The following DNAH14 variants were observed in gnomAD, a reference collection of about 807,000 sequenced individuals.
DNAH14 encodes axonemal beta dynein heavy chain 14.
Under a neutral mutation model 520.9 loss-of-function variants are expected in DNAH14, and 478 were observed. That is an observed-to-expected ratio of 0.92 (90% CI 0.85 to 0.99). DNAH14 has a LOEUF of 0.99. DNAH14 is among the 50% of genes least tolerant of loss of function. The pLI, the probability that DNAH14 is intolerant of heterozygous loss-of-function variation, is 0.00. For synonymous variants in DNAH14, 1,581 were observed against 1,757.2 expected (o/e 0.90, Z 2.51); for missense variants, 4,831 against 5,234.5 (o/e 0.92, Z 2.38).
At chr1:225,191,147 A>G (rs2085380774) in intron 37 of DNAH14, among the ~76,000 whole-genome samples, 1 of 151,960 alleles carries the variant, frequency 6.6e-6, no homozygotes, top group Admixed American at 6.6e-5. Context: ...CCTTAACCAG[A>G]GATCTTTATT....
intron 76 of DNAH14, among the ~76,000 whole-genome samples, chr1:225,365,468 A>G (rs2095541270): frequency 6.6e-6 from 1 of 152,186 alleles, no homozygotes. Context: ...GCACACTACC[A>G]GCTTTCACAG....
chr1:225,174,275 A>T (rs913053856), intron 36 of DNAH14, among the ~76,000 whole-genome samples: 1 of 148,574 alleles, frequency 6.7e-6, no homozygotes, highest in South Asian at 2.1e-4. Flanking sequence ...TTTTAAAAAA[A>T]GTTAAAAGAA....
intron 7 of DNAH14, among the ~76,000 whole-genome samples, chr1:224,972,231 G>A (rs569847203): frequency 2.4e-4 from 36 of 151,834 alleles, no homozygotes; most frequent in Non-Finnish European, 4.1e-4. Context: ...TACTTAATTT[G>A]TACTTAATTT....
chr1:225,217,137 C>T (rs1431949129), intron 41 of DNAH14, among the ~76,000 whole-genome samples: 4 of 152,224 alleles, frequency 2.6e-5, no homozygotes, highest in South Asian at 2.1e-4. Context: ...GGACCCTCAA[C>T]TGCAGGTCTG....
Position 225,185,312 on chromosome 1 carries a change from G to C in DNAH14, c.5557G>C (p.Val1853Leu). 1 of 1,544,868 alleles carries C rather than the reference G, an allele frequency of 6.5e-7. No homozygotes were observed. Among genetic ancestry groups the C allele is most frequent in the Non-Finnish European group, 8.7e-7 (1 of 1,144,720 alleles). The change falls in exon 37 of 86, where the codon GTG (valine) becomes CTG (leucine). Residue 1853 changes from valine to leucine, a missense_variant. Coordinates refer to ENST00000682510, the MANE Select transcript of DNAH14 (RefSeq NM_001367479.1). The part of the protein sequence containing the change: ...QLQVCVGVML[V>L]GPTGGGKTTV... Reference sequence around the variant, plus strand: ...TTAGGTTTGTGTTGGTGTGATGTTAGTGGGCCCAACAGGTGGAGGAAAGAC... The same window carrying C: ...TTAGGTTTGTGTTGGTGTGATGTTACTGGGCCCAACAGGTGGAGGAAAGAC...
intron 56 of DNAH14, among the ~76,000 whole-genome samples, chr1:225,302,381 A>T (rs367710540): frequency 2.0e-5 from 3 of 152,266 alleles, no homozygotes; most frequent in East Asian, 3.9e-4. Context: ...AAGGAAAAAA[A>T]ATCTTGCCTT....
At chr1:225,072,893 G>A (rs1300250483) in intron 17 of DNAH14, among the ~76,000 whole-genome samples, 1 of 152,052 alleles carries the variant, frequency 6.6e-6, no homozygotes, top group Non-Finnish European at 1.5e-5. Context: ...CCATCCCAGG[G>A]AGGTAAGGAC....
chr1:225,274,531 C>T (rs1175410563), intron 52 of DNAH14, among the ~76,000 whole-genome samples: 1 of 152,176 alleles, frequency 6.6e-6, no homozygotes, highest in Non-Finnish European at 1.5e-5. Flanking sequence ...ATTAGCCATT[C>T]TGACTGGTGT....
At chr1:225,230,902 CTCT>C (rs2091043712) in intron 41 of DNAH14, among the ~76,000 whole-genome samples, 168 bp from the exon 42 acceptor site, 1 of 152,086 alleles carries the variant, frequency 6.6e-6, no homozygotes, top group Non-Finnish European at 1.5e-5. Context: ...TTCTCTGCTC[CTCT>C]AATTCCCACT....
chr1:225,203,279 C>A (rs986164283), intron 38 of DNAH14, among the ~76,000 whole-genome samples: 1 of 152,146 alleles, frequency 6.6e-6, no homozygotes, highest in Non-Finnish European at 1.5e-5. Context: ...TGCACTAGAG[C>A]ATAATGATGT....
chr1:225,319,807 T>G (rs1290940276), intron 61 of DNAH14, among the ~76,000 whole-genome samples: 3 of 152,096 alleles, frequency 2.0e-5, no homozygotes, highest in African/African-American at 7.2e-5. Context: ...TGAATGAAAT[T>G]TGGAAGTAAG....
At chr1:225,337,767 G>A (rs947062258) in intron 67 of DNAH14, among the ~76,000 whole-genome samples, 2 of 152,052 alleles carry the variant, frequency 1.3e-5, no homozygotes, top group Non-Finnish European at 2.9e-5. Flanking sequence ...TAGTTATGGG[G>A]TACATAAGAT....
chr1:225,093,794 A>G (rs1005549318), intron 21 of DNAH14, among the ~76,000 whole-genome samples: 2 of 152,202 alleles, frequency 1.3e-5, no homozygotes, highest in South Asian at 2.1e-4. Flanking sequence ...GTTTCAGGAT[A>G]CAAAATTAAT....
rs115121817 is a variant in DNAH14 at position 224,995,421 on chromosome 1, A to T, written c.831-7362A>T. ...TCTGCTGACAAATCTGCTGATTGTT[A>T]TACTGGGATTTTTTTTTGTATATGA... On this transcript the variant is annotated intron_variant, in intron 8 of 85. Coordinates refer to ENST00000682510, the MANE Select transcript of DNAH14 (RefSeq NM_001367479.1). Among the ~76,000 whole-genome samples, 766 of 151,818 alleles carry T rather than the reference A, an allele frequency of 5.0e-3. 6 individuals carry two copies. The highest frequency in any genetic ancestry group is 0.017 in the African/African-American group (723 of 41,424).
At chr1:224,987,858 C>T (rs577693235) in intron 8 of DNAH14, among the ~76,000 whole-genome samples, 2 of 152,258 alleles carry the variant, frequency 1.3e-5, no homozygotes, top group South Asian at 4.1e-4. Context: ...GAACTCCTGA[C>T]CTCATGATCC....
At chr1:224,944,484 C>T (rs1436714277) in intron 1 of DNAH14, among the ~76,000 whole-genome samples, 1 of 151,688 alleles carries the variant, frequency 6.6e-6, no homozygotes, top group Non-Finnish European at 1.5e-5. Context: ...GCATTTAGCC[C>T]ATTTACATTT....
chr1:225,270,686 A>G (rs776728666), intron 49 of DNAH14, 49 bp from the exon 50 acceptor site: 2 of 1,512,692 alleles, frequency 1.3e-6, no homozygotes, highest in Non-Finnish European at 1.8e-6. Context: ...TACATACTTC[A>G]CTTCCTACAG....
At chr1:225,249,236 G>C (rs1037751524) in intron 43 of DNAH14, among the ~76,000 whole-genome samples, 2 of 152,088 alleles carry the variant, frequency 1.3e-5, no homozygotes. Flanking sequence ...TCACTAACCT[G>C]ATCTTTTGAA....
chr1:225,090,426 T>A (rs553799316), intron 21 of DNAH14, among the ~76,000 whole-genome samples: 3 of 152,280 alleles, frequency 2.0e-5, no homozygotes, highest in Admixed American at 6.5e-5. Context: ...CCTAGAATAG[T>A]GTAAACAATT....
Sources: gnomAD v4.1 joint callset for allele counts (sites outside exome capture counted in the v4.1 genomes callset) on GRCh38, gnomAD v4.1.1 for gene constraint, MANE v1.5 for transcripts, NCBI Gene and HGNC (gene_info 2026-07-23, HGNC 2026-07-21) for gene names.